The following LMO3 variants were observed in gnomAD, a reference collection of about 807,000 sequenced individuals.
LMO3 encodes LIM domain only 3.
In LMO3, 2 loss-of-function variants were observed where a neutral mutation model predicts 15.8. The ratio of observed to expected loss-of-function variants is 0.13; its 90% confidence interval spans 0.05 to 0.40. The LOEUF (loss-of-function observed/expected upper bound fraction) is 0.40, where lower values mean the gene tolerates loss of function less well. LMO3 is among the 10% of genes least tolerant of loss of function. The pLI, the probability that LMO3 is intolerant of heterozygous loss-of-function variation, is 0.99. For missense variants in LMO3, 86 were observed against 182.2 expected (o/e 0.47, Z 3.04); for synonymous variants, 62 against 63.8 (o/e 0.97, Z 0.13).
At chr12:16,568,572 C>A (rs562022856) in intron 2 of LMO3, among the ~76,000 whole-genome samples, 9 of 152,172 alleles carry the variant, frequency 5.9e-5, no homozygotes, top group Non-Finnish European at 8.8e-5. Flanking sequence ...GGCATATGTA[C>A]CAGATTCCAA....
intron 1 of LMO3, among the ~76,000 whole-genome samples, chr12:16,601,269 G>A (rs1943813689): frequency 6.6e-6 from 1 of 152,150 alleles, no homozygotes; most frequent in Non-Finnish European, 1.5e-5. Context: ...GTCCCTACAA[G>A]TAAAAAAATG....
In LMO3 at chr12:16,597,321, T is replaced by C. The variant is rs759921452; in HGVS notation, c.206+3334A>G. Among the ~76,000 whole-genome samples the C allele has an allele frequency of 1.7e-4, 26 of 151,804 alleles. No homozygotes were observed. Among genetic ancestry groups the C allele is most frequent in the Non-Finnish European group, 3.0e-4 (20 of 67,762 alleles). On this transcript the variant is annotated intron_variant, in intron 2 of 3. Transcript: ENST00000537304. This position sits in a 1 kb window ranked among gnomAD's most constrained non-coding sequence, Gnocchi z 5.0. ...ACATCAAATTTTCCATAATAATAGT[T>C]TCTATAACCCTTAAGAAAATATCTT...
chr12:16,571,289 G>A (rs545092513), intron 2 of LMO3, among the ~76,000 whole-genome samples: 65 of 152,066 alleles, frequency 4.3e-4, no homozygotes, highest in African/African-American at 1.5e-3. Context: ...GTATTTTATT[G>A]TACTGAATTT....
At position 16,551,170 on chromosome 12, in the gene LMO3, A is replaced by AAAGAT. The variant is rs1170461961; in HGVS notation, c.*47_*51dup. On this transcript the variant is annotated 3_prime_UTR_variant, in exon 4 of 4. Transcript: ENST00000537304. ...AATTCTTATGTACATGTGGAGCAAA[A>AAAGAT]AAGATAAAAGAATGTAGTGCTTTGT... is the stretch of plus-strand genomic sequence containing the variant. 2 of 1,178,856 alleles carry AAAGAT rather than the reference A, an allele frequency of 1.7e-6. No individual in the cohort carries two copies. The highest frequency in any genetic ancestry group is 2.5e-6 in the Non-Finnish European group (2 of 784,482). 73.0% of individuals were successfully genotyped at this position (1,178,856 alleles called of 1,614,324 possible). A position where few individuals can be genotyped will look rare whatever the true frequency, so the allele number is the denominator to read the frequency against.
At position 16,604,080 on chromosome 12, in the gene LMO3, T is replaced by G. The variant is rs1943913746; in HGVS notation, c.-9+1986A>C. On this transcript the variant is annotated intron_variant, in intron 1 of 3. Coordinates refer to ENST00000537304, the MANE Select transcript of LMO3 (RefSeq NM_018640.5). The surrounding 1 kb of genome is among the most constrained non-coding windows in gnomAD (Gnocchi z 5.3). ...GGAGCATTGACACAGATTAAAAGAA[T>G]TTGGCCAACATGGCCATTCGATTGC... is the stretch of plus-strand genomic sequence containing the variant. Among the ~76,000 whole-genome samples, 1 of 152,186 alleles carries G rather than the reference T, an allele frequency of 6.6e-6. No homozygotes were observed. The highest frequency in any genetic ancestry group is 1.5e-5 in the Non-Finnish European group (1 of 68,032).
At position 16,576,208 on chromosome 12, in the gene LMO3, T is replaced by C. The variant is rs544701077; in HGVS notation, c.207-15670A>G. On this transcript the variant is annotated intron_variant, in intron 2 of 3. Transcript: ENST00000537304. The surrounding 1 kb of genome is among the most constrained non-coding windows in gnomAD (Gnocchi z 4.1). ...TTTCTATAACACAGCTCCAACCCAT[T>C]GATCCTGCTTATAACCTTCCATAGC... 5.4e-4 allele frequency among the ~76,000 whole-genome samples: 82 copies of C among 152,278 alleles called. 1 individual carries two copies. In the South Asian group the frequency reaches 0.016, roughly 30 times the overall value.
chr12:16,556,878 C>T (rs532566314), intron 3 of LMO3, among the ~76,000 whole-genome samples: 1 of 152,216 alleles, frequency 6.6e-6, no homozygotes, highest in East Asian at 1.9e-4. Flanking sequence ...GCATAACCGG[C>T]ACTAAAGATA....
Position 16,555,969 on chromosome 12 carries a change from C to T in LMO3, c.332+4444G>A, listed in dbSNP as rs193072279. 2.1e-3 allele frequency among the ~76,000 whole-genome samples: 322 copies of T among 152,208 alleles called. No individual in the cohort carries two copies. Among genetic ancestry groups the T allele is most frequent in the Non-Finnish European group, 3.5e-3 (240 of 68,008 alleles). On this transcript the variant is annotated intron_variant, in intron 3 of 3. Transcript: ENST00000537304. This position sits in a 1 kb window ranked among gnomAD's most constrained non-coding sequence, Gnocchi z 5.5. ...ATGGCTCTCTCTTCCCTCAGTATAGCTCTATTTAGCATCGATTACACTCTT... is the reference window on the plus strand; with the variant it reads ...ATGGCTCTCTCTTCCCTCAGTATAGTTCTATTTAGCATCGATTACACTCTT...
At chr12:16,573,724 G>A (rs1014936170) in intron 2 of LMO3, 2 of 152,180 alleles carry the variant, frequency 1.3e-5, no homozygotes, top group Admixed American at 6.6e-5. Flanking sequence ...AATGACCCCT[G>A]AAGCAGCCCT....
chr12:16,565,003 T>C (rs1257057822), intron 2 of LMO3, among the ~76,000 whole-genome samples: 1 of 152,148 alleles, frequency 6.6e-6, no homozygotes, highest in Non-Finnish European at 1.5e-5. Flanking sequence ...TTGCCCAGGC[T>C]GAACTCACAC....
intron 2 of LMO3, among the ~76,000 whole-genome samples, chr12:16,595,846 C>T (rs1943637329): frequency 6.6e-6 from 1 of 151,210 alleles, no homozygotes; most frequent in African/African-American, 2.4e-5. Flanking sequence ...AAAGTTTATG[C>T]TTTCAGAATT....
At chr12:16,583,415 G>A (rs1943227335) in intron 2 of LMO3, among the ~76,000 whole-genome samples, 1 of 152,138 alleles carries the variant, frequency 6.6e-6, no homozygotes, top group African/African-American at 2.4e-5. Flanking sequence ...ACAGCCATAT[G>A]TTGACAGTCA....
chr12:16,564,145 GTCTA>G (rs1340327414), intron 2 of LMO3, among the ~76,000 whole-genome samples: 2 of 151,868 alleles, frequency 1.3e-5, no homozygotes, highest in East Asian at 3.9e-4. Context: ...ACCTCATTTT[GTCTA>G]TCTAAAAACA....
chr12:16,605,556 A>G lies in LMO3; in HGVS notation c.-9+510T>C, dbSNP rs911800039. On this transcript the variant is annotated intron_variant, in intron 1 of 3. Coordinates refer to ENST00000537304, the MANE Select transcript of LMO3 (RefSeq NM_018640.5). Reference sequence around the variant, plus strand: ...CGTCAACAAGGACCAAAAGATTGTAATATCAACTCTTTAAGAAGTGGGGGT... The same window carrying G: ...CGTCAACAAGGACCAAAAGATTGTAGTATCAACTCTTTAAGAAGTGGGGGT... 5 of 611,708 alleles carry G rather than the reference A, an allele frequency of 8.2e-6. No individual in the cohort carries two copies. The Admixed American group carries it at 1.3e-4, about 16-fold the overall frequency. The allele number at this position is 611,708 out of a possible 1,614,324, so 37.9% of individuals were successfully genotyped here.
intron 2 of LMO3, among the ~76,000 whole-genome samples, chr12:16,592,363 A>G (rs1299749436): frequency 2.0e-5 from 3 of 152,046 alleles, no homozygotes; most frequent in Non-Finnish European, 4.4e-5. Context: ...CACAGAAAAT[A>G]CTGGCTTATA....
Position 16,598,751 on chromosome 12 carries a change from C to A in LMO3, c.206+1904G>T, listed in dbSNP as rs1298891110. ...AACAAATCTAAGATTACTGTCTTTGCTCGATGCTATGTTGACAGCTAAGAA... is the reference window on the plus strand; with the variant it reads ...AACAAATCTAAGATTACTGTCTTTGATCGATGCTATGTTGACAGCTAAGAA... On this transcript the variant is annotated intron_variant, in intron 2 of 3. Coordinates refer to ENST00000537304, the MANE Select transcript of LMO3 (RefSeq NM_018640.5). This position sits in a 1 kb window ranked among gnomAD's most constrained non-coding sequence, Gnocchi z 4.3. 1 of 155,576 alleles carries A rather than the reference C, an allele frequency of 6.4e-6. No homozygotes were observed. Among genetic ancestry groups the A allele is most frequent in the Non-Finnish European group, 1.4e-5 (1 of 69,510 alleles). The allele number at this position is 155,576 out of a possible 1,614,324, so 9.6% of individuals were successfully genotyped here.
Position 16,588,558 on chromosome 12 carries a change from A to G in LMO3, c.206+12097T>C, listed in dbSNP as rs543152730. On this transcript the variant is annotated intron_variant, in intron 2 of 3. Coordinates refer to ENST00000537304, the MANE Select transcript of LMO3 (RefSeq NM_018640.5). ...TTTAGAAAACTATCACCTCAGTTACAAAGGAAATAGAATTTTCAGTAATTC... is the reference window on the plus strand; with the variant it reads ...TTTAGAAAACTATCACCTCAGTTACGAAGGAAATAGAATTTTCAGTAATTC... Among the ~76,000 whole-genome samples the G allele has an allele frequency of 4.6e-5, 7 of 152,270 alleles. No homozygotes were observed. In the East Asian group the frequency reaches 1.3e-3, roughly 29 times the overall value.
At chr12:16,600,529 G>T in intron 2 of LMO3, 126 bp downstream of exon 2, 1 of 762,630 alleles carries the variant, frequency 1.3e-6, no homozygotes, top group Non-Finnish European at 2.1e-6. Flanking sequence ...TTTGAAGGCT[G>T]ACAGGTAACT....
chr12:16,604,697 A>G lies in LMO3; in HGVS notation c.-9+1369T>C. 1 of 706,652 alleles carries G rather than the reference A, an allele frequency of 1.4e-6. No individual in the cohort carries two copies. 43.8% of individuals were successfully genotyped at this position (706,652 alleles called of 1,614,324 possible). On this transcript the variant is annotated intron_variant, in intron 1 of 3. Transcript: ENST00000537304. This position sits in a 1 kb window ranked among gnomAD's most constrained non-coding sequence, Gnocchi z 5.3. ...CAAAGAATGTAGCAGTATTTGTTGC[A>G]TCTAGCAAGATTAATTGGTTTAAGC...
Sources: allele counts gnomAD v4.1 joint callset (sites outside exome capture counted in the v4.1 genomes callset), GRCh38; gene constraint gnomAD v4.1.1; non-coding constraint Gnocchi (gnomAD v3.1); transcripts MANE v1.5; gene names NCBI Gene and HGNC (gene_info 2026-07-23, HGNC 2026-07-21).